Variants in MCC observed in about 807,000 individuals in gnomAD.
MCC encodes the protein MCC regulator of Wnt signaling pathway, also known as colorectal mutant cancer protein.
Under a neutral mutation model 116.2 loss-of-function variants are expected in MCC, and 90 were observed. The ratio of observed to expected loss-of-function variants is 0.77; its 90% CI spans 0.65 to 0.92. MCC has a LOEUF of 0.92. Among genes scored for constraint, MCC ranks in the 40% least tolerant of loss-of-function variants. MCC has a pLI of 0.00. For synonymous variants in MCC, 578 were observed against 510.5 expected (o/e 1.13, Z -1.78); for missense variants, 1,516 against 1,312.2 (o/e 1.16, Z -2.40).
At chr5:113,329,419 C>A (rs1767642404) in intron 3 of MCC, among the ~76,000 whole-genome samples, 1 of 142,950 alleles carries the variant, frequency 7.0e-6, no homozygotes, top group East Asian at 1.9e-4. Context: ...TATATCCACA[C>A]ATACATATAT....
At chr5:113,106,869 TG>T (rs1204218354) in intron 6 of MCC, among the ~76,000 whole-genome samples, 6 of 152,330 alleles carry the variant, frequency 3.9e-5, no homozygotes, top group Admixed American at 2.6e-4. Flanking sequence ...TTCTACATAT[TG>T]TTCAGCTCTC....
chr5:113,066,673 A>C (rs1367918176), intron 13 of MCC, among the ~76,000 whole-genome samples: 2 of 152,224 alleles, frequency 1.3e-5, no homozygotes, highest in Non-Finnish European at 2.9e-5. Flanking sequence ...GTTCAGTGCA[A>C]AAGTGAGCCC....
intron 7 of MCC, among the ~76,000 whole-genome samples, chr5:113,103,422 G>T (rs1756549998): frequency 6.6e-6 from 1 of 152,188 alleles, no homozygotes. Context: ...ATAGGGCCCA[G>T]GAGATTCCAG....
chr5:113,110,615 C>G (rs1376960673), intron 6 of MCC, among the ~76,000 whole-genome samples: 17 of 152,162 alleles, frequency 1.1e-4, no homozygotes, highest in South Asian at 4.1e-4. Context: ...GTAAAGGGAA[C>G]TCTGGGGAGT....
Position 113,049,268 on chromosome 5 carries a change from T to C in MCC, c.2480A>G (p.Tyr827Cys). 1.2e-6 allele frequency: 2 copies of C among 1,609,476 alleles called. No individual in the cohort carries two copies. Among genetic ancestry groups the C allele is most frequent in the Non-Finnish European group, 1.7e-6 (2 of 1,177,818 alleles). ...GGCCTTCTTCTCTTTCTCCAGTAGG[T>C]AGAGCTGGGCCTTCAACTCGGCCAT... is the stretch of plus-strand genomic sequence containing the variant. Reference protein sequence around the residue: ...EEMAELKAQLYLLEKEKKALE... With the variant: ...EEMAELKAQLCLLEKEKKALE... Residue 827 changes from tyrosine (Y) to cysteine (C), a missense_variant, in exon 16 of 19, where the codon TAC (tyrosine) becomes TGC (cysteine). Tyr to Cys is a radical substitution (Grantham distance 194, BLOSUM62 -2). Coordinates refer to ENST00000408903, the MANE Select transcript of MCC (RefSeq NM_001085377.2).
At chr5:113,433,857 G>T in intron 1 of MCC, 1 of 1,614,040 alleles carries the variant, frequency 6.2e-7, no homozygotes. Flanking sequence ...TGTCCCCTCG[G>T]GTTTTGTCTC....
At chr5:113,266,251 A>C (rs1765413009) in intron 3 of MCC, among the ~76,000 whole-genome samples, 1 of 151,924 alleles carries the variant, frequency 6.6e-6, no homozygotes, top group Admixed American at 6.6e-5. Flanking sequence ...ACACACACAC[A>C]CACACACACA....
intron 11 of MCC, among the ~76,000 whole-genome samples, chr5:113,075,306 C>G (rs983776553): frequency 6.6e-6 from 1 of 152,244 alleles, no homozygotes; most frequent in African/African-American, 2.4e-5. Flanking sequence ...GCCTACCATG[C>G]CCGAGCCCCC....
chr5:113,396,365 C>T (rs1192489028), intron 1 of MCC, among the ~76,000 whole-genome samples: 2 of 152,062 alleles, frequency 1.3e-5, no homozygotes, highest in East Asian at 3.9e-4. Flanking sequence ...TGCACAGTGG[C>T]TCATGCCTAT....
In MCC at chr5:113,294,308, C is replaced by G. The variant is rs1040107374; in HGVS notation, c.627+46211G>C. ...GCAAACGCCCGAGAAACCCTAGCTC[C>G]CGACCTCAGCTGTTTCTTACCTCAC... On this transcript the variant is annotated intron_variant, in intron 3 of 18. Coordinates refer to ENST00000408903, the MANE Select transcript of MCC (RefSeq NM_001085377.2). 3 of 1,613,352 alleles carry G rather than the reference C, an allele frequency of 1.9e-6. No homozygotes were observed. The African/African-American group carries it at 4.0e-5, about 22-fold the overall frequency.
chr5:113,473,840 T>G (rs1321856981), intron 1 of MCC, among the ~76,000 whole-genome samples: 1 of 152,174 alleles, frequency 6.6e-6, no homozygotes, highest in Non-Finnish European at 1.5e-5. Flanking sequence ...CAGCATGCCT[T>G]TCCATAAGAA....
intron 3 of MCC, among the ~76,000 whole-genome samples, chr5:113,175,339 A>G (rs933248787): frequency 2.6e-5 from 4 of 152,232 alleles, no homozygotes; most frequent in African/African-American, 7.2e-5. Flanking sequence ...AGGTACTACA[A>G]TTAGTTTTCC....
rs1446574734 is a variant in MCC at position 113,101,732 on chromosome 5, T to G, written c.1398+7A>C. 3 of 1,612,832 alleles carry G rather than the reference T, an allele frequency of 1.9e-6. No individual in the cohort carries two copies. Among genetic ancestry groups the G allele is most frequent in the South Asian group, 2.2e-5 (2 of 91,078 alleles). On this transcript the variant is annotated splice_region_variant and intron_variant, in intron 8 of 18. Transcript: ENST00000408903. ...GGGCCTGACCATTATGGATGCAGCA[T>G]GCTCACCCTCCTCCGGAGCCGGTCC...
Position 113,025,958 on chromosome 5 carries a change from G to A in MCC, c.*1344C>T, listed in dbSNP as rs1291772284. The A allele has an allele frequency of 6.6e-6, 1 of 152,108 alleles. No individual in the cohort carries two copies. Among genetic ancestry groups the A allele is most frequent in the Admixed American group, 6.5e-5 (1 of 15,274 alleles). 9.4% of individuals were successfully genotyped at this position (152,108 alleles called of 1,614,324 possible). ...TGGCAATGGAACACATTTTTCATAGGGAACTTTGGATGGATTCTCTGGTGC... is the reference window on the plus strand; with the variant it reads ...TGGCAATGGAACACATTTTTCATAGAGAACTTTGGATGGATTCTCTGGTGC... On this transcript the variant is annotated 3_prime_UTR_variant, in exon 19 of 19. Transcript: ENST00000408903.
In MCC at chr5:113,275,976, T is replaced by TG. The variant is rs550293745; in HGVS notation, c.627+64542_627+64543insC. Among the ~76,000 whole-genome samples the TG allele has an allele frequency of 1.3e-3, 183 of 144,756 alleles. 4 individuals are homozygous for TG. The East Asian group carries it at 0.02, about 16-fold the overall frequency. The allele number at this position is 144,756 out of a possible 152,430, so 95.0% of individuals were successfully genotyped here. A position where few individuals can be genotyped will look rare whatever the true frequency, so the allele number is the denominator to read the frequency against. The stretch of plus-strand genomic sequence containing the variant: ...AATTGATTTCACTTGTTTTGTTTTT[T>TG]TTTTTTTTTTTTTAAGCAGGCCAAC... On this transcript the variant is annotated intron_variant, in intron 3 of 18. Transcript: ENST00000408903.
At chr5:113,280,332 A>T (rs939066041) in intron 3 of MCC, among the ~76,000 whole-genome samples, 1 of 152,106 alleles carries the variant, frequency 6.6e-6, no homozygotes, top group African/African-American at 2.4e-5. Context: ...TAACTTTTCT[A>T]TCTATCTCCT....
intron 1 of MCC, among the ~76,000 whole-genome samples, chr5:113,471,671 G>A (rs1772094908): frequency 6.6e-6 from 1 of 151,630 alleles, no homozygotes. Context: ...CTGCATGCTG[G>A]GAGAACCACT....
intron 1 of MCC, among the ~76,000 whole-genome samples, chr5:113,465,135 G>C (rs551351038): frequency 1.1e-4 from 17 of 149,610 alleles, no homozygotes; most frequent in Admixed American, 7.3e-4. Context: ...ATGAGGAAGG[G>C]AGGCCACATA....
chr5:113,072,515 C>T (rs185587184), intron 11 of MCC, among the ~76,000 whole-genome samples: 23 of 152,348 alleles, frequency 1.5e-4, no homozygotes, highest in African/African-American at 5.3e-4. Flanking sequence ...AAGCCCATCT[C>T]AGGGCCCTTC....
Sources: allele counts gnomAD v4.1 joint callset (sites outside exome capture counted in the v4.1 genomes callset), GRCh38; gene constraint gnomAD v4.1.1; transcripts MANE v1.5; gene names NCBI Gene and HGNC (gene_info 2026-07-23, HGNC 2026-07-21).